The following NKAIN2 variants were observed in gnomAD, a reference collection of about 807,000 sequenced individuals.
NKAIN2 encodes sodium/potassium-transporting ATPase subunit beta-1-interacting protein 2.
A neutral mutation model predicts 32.6 loss-of-function variants in NKAIN2; 14 were observed. That is an observed-to-expected ratio of 0.43 (90% CI 0.28 to 0.67). The LOEUF (loss-of-function observed/expected upper bound fraction) is 0.67, where lower values mean the gene tolerates loss of function less well. Ranked by LOEUF, NKAIN2 falls within the 30% of genes least tolerant of loss-of-function variation. The pLI is 0.17. For synonymous variants in NKAIN2, 80 were observed against 87.2 expected, an observed-to-expected ratio of 0.92 and a Z score of 0.46; for missense variants, 198 against 258.3, an observed-to-expected ratio of 0.77 and a Z score of 1.60.
intron 1 of NKAIN2, among the ~76,000 whole-genome samples, chr6:124,256,615 A>T (rs1315921195): frequency 6.6e-6 from 1 of 152,150 alleles, no homozygotes; most frequent in Non-Finnish European, 1.5e-5. Context: ...AATTTGAAAA[A>T]TCTTAATTTC....
chr6:124,001,800 A>AATATGTATATATATATAT (rs1208005298), intron 1 of NKAIN2, among the ~76,000 whole-genome samples: 59 of 135,124 alleles, frequency 4.4e-4, no homozygotes, highest in African/African-American at 1.6e-3. Flanking sequence ...CTTAGTTCTA[A>AATATGTATATATATATAT]ATATATATAT....
At chr6:124,144,905 TA>T (rs1024406808) in intron 1 of NKAIN2, among the ~76,000 whole-genome samples, 1 of 152,118 alleles carries the variant, frequency 6.6e-6, no homozygotes, top group African/African-American at 2.4e-5. Flanking sequence ...AGCTAGTATC[TA>T]GAATATGTAA....
intron 3 of NKAIN2, among the ~76,000 whole-genome samples, chr6:124,455,411 G>A (rs1475487954): frequency 6.6e-6 from 1 of 151,956 alleles, no homozygotes; most frequent in African/African-American, 2.4e-5. Flanking sequence ...TATGAGTAGG[G>A]TTGATCTAGT....
intron 4 of NKAIN2, among the ~76,000 whole-genome samples, chr6:124,763,719 G>T (rs1317115971): frequency 6.6e-6 from 1 of 152,050 alleles, no homozygotes; most frequent in African/African-American, 2.4e-5. Flanking sequence ...AGTATATAAG[G>T]TAATAAATAT....
Position 124,546,551 on chromosome 6 carries a change from A to T in NKAIN2, c.274-111635A>T. Among the ~76,000 whole-genome samples the T allele has an allele frequency of 3.3e-5, 5 of 151,908 alleles. No individual in the cohort carries two copies. The Middle Eastern group carries it at 0.018, about 535-fold the overall frequency. ...TAATATTATCTATTAAGATAGATAG[A>T]TAGAGATAAAAATAGATTTATATAT... On this transcript the variant is annotated intron_variant, in intron 3 of 6. Transcript: ENST00000368417.
chr6:124,666,222 A>C (rs1772788543), intron 4 of NKAIN2, among the ~76,000 whole-genome samples: 1 of 152,202 alleles, frequency 6.6e-6, no homozygotes, highest in Non-Finnish European at 1.5e-5. Flanking sequence ...GTTTATAAAA[A>C]TAGTCACAAA....
intron 3 of NKAIN2, among the ~76,000 whole-genome samples, chr6:124,631,844 C>T (rs530914348): frequency 2.0e-5 from 3 of 152,072 alleles, no homozygotes; most frequent in Non-Finnish European, 4.4e-5. Context: ...ACAACTACCC[C>T]GGACACAGAG....
At chr6:124,215,706 T>G (rs1472735790) in intron 1 of NKAIN2, among the ~76,000 whole-genome samples, 1 of 152,174 alleles carries the variant, frequency 6.6e-6, no homozygotes, top group Non-Finnish European at 1.5e-5. Flanking sequence ...ATATGTAAGA[T>G]CTGAACATGT....
intron 4 of NKAIN2, among the ~76,000 whole-genome samples, chr6:124,682,124 A>G (rs927053756): frequency 6.6e-6 from 1 of 152,060 alleles, no homozygotes; most frequent in African/African-American, 2.4e-5. Flanking sequence ...CATTTTCACC[A>G]GTAAAAAATG....
intron 1 of NKAIN2, among the ~76,000 whole-genome samples, chr6:124,058,653 G>A (rs1385054687): frequency 1.3e-5 from 2 of 152,044 alleles, no homozygotes; most frequent in Non-Finnish European, 2.9e-5. Context: ...CAACTGGAGA[G>A]CCACACTCAG....
intron 1 of NKAIN2, among the ~76,000 whole-genome samples, chr6:123,972,924 C>T (rs1291031662): frequency 1.3e-5 from 2 of 152,020 alleles, no homozygotes; most frequent in Non-Finnish European, 2.9e-5. Flanking sequence ...ATAGTAAAAA[C>T]ACCATATCCA....
At chr6:123,976,348 C>CATATATATATATATATATATTCCCAT (rs1410297830) in intron 1 of NKAIN2, among the ~76,000 whole-genome samples, 2 of 13,728 alleles carry the variant, frequency 1.5e-4, no homozygotes, top group Admixed American at 8.9e-4. Flanking sequence ...TATATGTTCC[C>CATATATATATATATATATATTCCCAT]ATATATATAT....
At chr6:124,127,275 C>T (rs569398808) in intron 1 of NKAIN2, among the ~76,000 whole-genome samples, 15 of 152,156 alleles carry the variant, frequency 9.9e-5, no homozygotes, top group East Asian at 1.9e-4. Context: ...TGTGTGCAGA[C>T]GTACAAATGA....
intron 3 of NKAIN2, among the ~76,000 whole-genome samples, chr6:124,366,067 C>A (rs1799503469): frequency 6.6e-6 from 1 of 151,852 alleles, no homozygotes; most frequent in Admixed American, 6.6e-5. Context: ...ACTTCCATAG[C>A]CAGAAGCTAG....
At chr6:123,971,826 A>G (rs1778358727) in intron 1 of NKAIN2, among the ~76,000 whole-genome samples, 1 of 152,186 alleles carries the variant, frequency 6.6e-6, no homozygotes, top group Non-Finnish European at 1.5e-5. Flanking sequence ...GTTGAAAGTT[A>G]ATATATTTTG....
At chr6:123,983,042 C>T (rs1778972949) in intron 1 of NKAIN2, among the ~76,000 whole-genome samples, 1 of 144,222 alleles carries the variant, frequency 6.9e-6, no homozygotes, top group African/African-American at 2.5e-5. Flanking sequence ...ATGTGCTAGG[C>T]TGTGGGAGTG....
chr6:124,536,186 G>C (rs976091358), intron 3 of NKAIN2, among the ~76,000 whole-genome samples: 1 of 152,174 alleles, frequency 6.6e-6, no homozygotes, highest in Non-Finnish European at 1.5e-5. Context: ...AGAAAGAATT[G>C]TAAAAATGTA....
At chr6:124,649,265 CTAATAT>C (rs1379668706) in intron 3 of NKAIN2, among the ~76,000 whole-genome samples, 1 of 152,010 alleles carries the variant, frequency 6.6e-6, no homozygotes, top group African/African-American at 2.4e-5. Context: ...TTAAGAATTA[CTAATAT>C]TATCAATGAA....
At chr6:124,563,927 G>A (rs528054834) in intron 3 of NKAIN2, among the ~76,000 whole-genome samples, 24 of 152,214 alleles carry the variant, frequency 1.6e-4, no homozygotes, top group African/African-American at 4.8e-4. Flanking sequence ...GGAATGCAGC[G>A]AGTCATTATG....
Sources: gnomAD v4.1 joint callset for allele counts (sites outside exome capture counted in the v4.1 genomes callset) on GRCh38, gnomAD v4.1.1 for gene constraint, MANE v1.5 for transcripts, NCBI Gene and HGNC (gene_info 2026-07-23, HGNC 2026-07-21) for gene names.